SEL1L2: variants seen among roughly 807,000 people sequenced by gnomAD.
SEL1L2 encodes the protein protein sel-1 homolog 2.
Under a neutral mutation model 98.8 loss-of-function variants are expected in SEL1L2, and 89 were observed. That is an observed-to-expected ratio of 0.90 (90% confidence interval 0.76 to 1.07). The LOEUF (loss-of-function observed/expected upper bound fraction) is 1.07. Among genes scored for constraint, SEL1L2 ranks in the 50% least tolerant of loss-of-function variants. SEL1L2 has a pLI of 0.00. For missense variants in SEL1L2, 788 were observed against 812.0 expected (o/e 0.97, Z 0.36); for synonymous variants, 262 against 278.5 (o/e 0.94, Z 0.59).
At chr20:13,865,084 C>T in intron 17 of SEL1L2, 83 bp downstream of exon 17, 1 of 1,080,250 alleles carries the variant, frequency 9.3e-7, no homozygotes, top group East Asian at 2.4e-5. Context: ...TGCCTATGTG[C>T]ACAAACACGC....
chr20:13,950,924 T>A, intron 2 of SEL1L2, among the ~76,000 whole-genome samples: 1 of 151,892 alleles, frequency 6.6e-6, no homozygotes. Flanking sequence ...TCAGTTAAGA[T>A]GAAGGGAAAG....
At chr20:13,874,846 G>A (rs2046363914) in intron 12 of SEL1L2, among the ~76,000 whole-genome samples, 1 of 152,176 alleles carries the variant, frequency 6.6e-6, no homozygotes, top group Non-Finnish European at 1.5e-5. Context: ...TTTACTGCCA[G>A]TGTTCCAGTA....
At chr20:13,895,910 C>T (rs1470501927) in intron 5 of SEL1L2, among the ~76,000 whole-genome samples, 2 of 152,150 alleles carry the variant, frequency 1.3e-5, no homozygotes, top group African/African-American at 2.4e-5. Context: ...TGGTGGCTCA[C>T]GCCTGTAATC....
At chr20:13,985,502 TC>T (rs1234032908) in intron 1 of SEL1L2, among the ~76,000 whole-genome samples, 2 of 152,212 alleles carry the variant, frequency 1.3e-5, no homozygotes, top group African/African-American at 4.8e-5. Flanking sequence ...GACCTCTCCC[TC>T]ATTCTGTGCC....
chr20:13,950,177 G>T (rs1186125043), intron 2 of SEL1L2, among the ~76,000 whole-genome samples: 1 of 152,104 alleles, frequency 6.6e-6, no homozygotes, highest in Non-Finnish European at 1.5e-5. Flanking sequence ...GGTGAGAGGG[G>T]AATGGAGAGG....
chr20:13,961,307 C>T (rs2050761171), intron 1 of SEL1L2, among the ~76,000 whole-genome samples: 1 of 152,282 alleles, frequency 6.6e-6, no homozygotes, highest in Middle Eastern at 3.4e-3. Context: ...CTGATTTATG[C>T]AGAACATTTT....
intron 5 of SEL1L2, among the ~76,000 whole-genome samples, chr20:13,895,810 C>A (rs995305575): frequency 6.6e-6 from 1 of 152,222 alleles, no homozygotes; most frequent in Non-Finnish European, 1.5e-5. Flanking sequence ...AAAATTATCT[C>A]TATTCCCAGA....
intron 2 of SEL1L2, among the ~76,000 whole-genome samples, chr20:13,955,759 CTT>C (rs1443792638): frequency 1.3e-5 from 2 of 152,156 alleles, no homozygotes; most frequent in Non-Finnish European, 2.9e-5. Context: ...GGTCTCTGCT[CTT>C]TGTGTCTTAA....
chr20:13,975,563 A>C (rs1264798250), intron 1 of SEL1L2, among the ~76,000 whole-genome samples: 1 of 152,230 alleles, frequency 6.6e-6, no homozygotes, highest in Admixed American at 6.5e-5. Context: ...GAATAATAAA[A>C]ACATTTGAAT....
At chr20:13,876,780 A>C (rs1473977565) in intron 11 of SEL1L2, among the ~76,000 whole-genome samples, 1 of 152,170 alleles carries the variant, frequency 6.6e-6, no homozygotes, top group Non-Finnish European at 1.5e-5. Flanking sequence ...ATAGGCTCAT[A>C]GCTACGCTCA....
At chr20:13,870,977 A>G (rs2046164785) in intron 12 of SEL1L2, among the ~76,000 whole-genome samples, 1 of 151,872 alleles carries the variant, frequency 6.6e-6, no homozygotes, top group South Asian at 2.1e-4. Context: ...GACACCTAGA[A>G]GAGGGACACT....
chr20:13,879,511 AC>A (rs1371941724), intron 10 of SEL1L2, among the ~76,000 whole-genome samples: 12 of 151,946 alleles, frequency 7.9e-5, no homozygotes. Context: ...GACCACCACA[AC>A]TGGCTCATTT....
intron 1 of SEL1L2, among the ~76,000 whole-genome samples, chr20:13,969,538 T>C (rs767134618): frequency 6.6e-6 from 1 of 152,240 alleles, no homozygotes; most frequent in Non-Finnish European, 1.5e-5. Context: ...TAATTTCTTC[T>C]ATCTGACAAT....
At chr20:13,888,632 T>TCA in intron 5 of SEL1L2, 120 bp from the exon 6 acceptor site, 18 of 350,848 alleles carry the variant, frequency 5.1e-5, no homozygotes, top group Admixed American at 1.6e-4. Context: ...TTTCTTTCTT[T>TCA]CTCTTTTTTT....
intron 3 of SEL1L2, among the ~76,000 whole-genome samples, chr20:13,921,545 C>T (rs760266758): frequency 1.3e-5 from 2 of 151,916 alleles, no homozygotes; most frequent in Non-Finnish European, 2.9e-5. Context: ...GGTCCAGGGC[C>T]GGGCGCAGAA....
chr20:13,865,617 G>A, intron 15 of SEL1L2, 103 bp from the exon 16 acceptor site: 1 of 1,039,226 alleles, frequency 9.6e-7, no homozygotes. Context: ...GCTGGTCAGG[G>A]AAGGATTTTA....
chr20:13,853,841 C>T (rs1420094469), intron 18 of SEL1L2, among the ~76,000 whole-genome samples: 1 of 152,192 alleles, frequency 6.6e-6, no homozygotes, highest in East Asian at 1.9e-4. Flanking sequence ...ACGTATATAA[C>T]ATGGCTTCTA....
chr20:13,872,318 A>G (rs894345331), intron 12 of SEL1L2, among the ~76,000 whole-genome samples: 1 of 152,096 alleles, frequency 6.6e-6, no homozygotes, highest in Admixed American at 6.5e-5. Flanking sequence ...GGTGGGAGGT[A>G]ATTGAATCAT....
At chr20:13,957,127 G>C (rs765553196) in intron 1 of SEL1L2, among the ~76,000 whole-genome samples, 1 of 149,978 alleles carries the variant, frequency 6.7e-6, no homozygotes, top group Non-Finnish European at 1.5e-5. Flanking sequence ...TTTGGACACA[G>C]AGTCTCACTC....
Sources: gnomAD v4.1 joint callset for allele counts (sites outside exome capture counted in the v4.1 genomes callset) on GRCh38, gnomAD v4.1.1 for gene constraint, MANE v1.5 for transcripts, NCBI Gene and HGNC (gene_info 2026-07-23, HGNC 2026-07-21) for gene names.